The following ZIM2 variants were observed in gnomAD, a reference collection of about 807,000 sequenced individuals.
ZIM2 encodes the protein zinc finger protein 656.
A neutral mutation model predicts 38.6 loss-of-function variants in ZIM2; 14 were observed. The observed-to-expected ratio is 0.36, with a 90% CI of 0.24 to 0.57. The LOEUF (loss-of-function observed/expected upper bound fraction) is 0.57. Ranked by LOEUF, ZIM2 falls within the 20% of genes least tolerant of loss-of-function variation. The pLI is 0.81. For synonymous variants in ZIM2, 247 were observed against 245.8 expected (o/e 1.00, Z -0.04); for missense variants, 680 against 695.1 (o/e 0.98, Z 0.24).
chr19:56,792,530 CAAA>C (rs1215431208), intron 9 of ZIM2, among the ~76,000 whole-genome samples: 11 of 20,950 alleles, frequency 5.3e-4, no homozygotes, highest in African/African-American at 1.0e-3. Flanking sequence ...GACTCTGTCT[CAAA>C]AAAAAAAAAA....
Position 56,821,682 on chromosome 19 carries a change from C to G in ZIM2, c.263G>C (p.Arg88Thr). 6.2e-7 allele frequency: 1 copy of G among 1,614,018 alleles called. No individual in the cohort carries two copies. The highest frequency in any genetic ancestry group is 8.5e-7 in the Non-Finnish European group (1 of 1,180,006). ...TCGGGACTCATAAGCCCTGGAGTCC[C>G]TGTCGTCCTCTCTGTCCATTTCAAA... ...TSFEMDREDDRDSRAYESRSQ... is the reference protein window; with the variant it reads ...TSFEMDREDDTDSRAYESRSQ... Residue 88 changes from arginine (R) to threonine (T), a missense_variant, in exon 7 of 13, where the codon AGG becomes ACG. By Grantham distance (71) the Arg-to-Thr change is moderately conservative. Coordinates refer to ENST00000629319, the MANE Select transcript of ZIM2 (RefSeq NM_001387356.1).
intron 10 of ZIM2, 131 bp downstream of exon 10, chr19:56,789,741 C>A: frequency 1.3e-6 from 1 of 774,130 alleles, no homozygotes; most frequent in Non-Finnish European, 1.8e-6. Flanking sequence ...AGAAAAAAGG[C>A]TCAGTAAAGT....
At chr19:56,820,609 C>T (rs1163799199) in intron 7 of ZIM2, among the ~76,000 whole-genome samples, 4 of 152,146 alleles carry the variant, frequency 2.6e-5, no homozygotes, top group African/African-American at 4.8e-5. Flanking sequence ...CCTGACCCGG[C>T]GTGCTCCTGG....
intron 9 of ZIM2, chr19:56,813,989 C>A: frequency 6.2e-7 from 1 of 1,614,118 alleles, no homozygotes; most frequent in Admixed American, 1.7e-5. Flanking sequence ...TCAATTCCCA[C>A]ACCGTCAGGC....
At chr19:56,817,919 C>G (rs754936835) in intron 8 of ZIM2, 81 bp from the exon 9 acceptor site, 6 of 1,096,938 alleles carry the variant, frequency 5.5e-6, no homozygotes, top group African/African-American at 1.5e-5. Flanking sequence ...TCATCTTTCA[C>G]TGAGCCACTA....
intron 9 of ZIM2, chr19:56,812,615 G>A (rs1206815316): frequency 5.1e-6 from 5 of 985,610 alleles, no homozygotes; most frequent in Admixed American, 6.1e-5. Flanking sequence ...GGCAGGAAGC[G>A]CACAAAGGAA....
At chr19:56,815,242 T>C (rs1263778224) in intron 9 of ZIM2, 2 of 1,614,242 alleles carry the variant, frequency 1.2e-6, no homozygotes, top group Admixed American at 1.7e-5. Flanking sequence ...CCCATCAGTA[T>C]TCTCGCCTTG....
At chr19:56,790,811 T>A (rs2046892724) in intron 9 of ZIM2, among the ~76,000 whole-genome samples, 1 of 152,202 alleles carries the variant, frequency 6.6e-6, no homozygotes, top group Non-Finnish European at 1.5e-5. Context: ...AAGGGGAGTA[T>A]ACTATACCTC....
intron 2 of ZIM2, among the ~76,000 whole-genome samples, chr19:56,827,645 A>T (rs778926262): frequency 4.6e-5 from 7 of 152,256 alleles, no homozygotes; most frequent in Non-Finnish European, 1.0e-4. Flanking sequence ...CTATGAATTT[A>T]CCTCAGAGAT....
intron 9 of ZIM2, chr19:56,817,129 G>A: frequency 6.2e-7 from 1 of 1,614,180 alleles, no homozygotes; most frequent in Non-Finnish European, 8.5e-7. Context: ...CTCGGTAAAG[G>A]AGGGGGAGCT....
intron 10 of ZIM2, among the ~76,000 whole-genome samples, chr19:56,786,300 G>T (rs1289403924): frequency 6.6e-6 from 1 of 152,128 alleles, no homozygotes; most frequent in East Asian, 1.9e-4. Flanking sequence ...TCCAGGACAT[G>T]ACTTTCAAGG....
At position 56,774,751 on chromosome 19, in the gene ZIM2, T is replaced by C; in HGVS notation, c.1614A>G (p.Ser538=). The part of the protein sequence containing the change: ...QLCGKCFGRP[S]YLTQHYQLHS... ...GGAGTTGATAATGTTGAGTGAGGTA[T>C]GAGGGTCGGCCGAAACATTTCCCAC... is the stretch of plus-strand genomic sequence containing the variant. Residue 538 remains serine (S), a synonymous_variant, in exon 13 of 13, where the codon TCA becomes TCG. Coordinates refer to ENST00000629319, the MANE Select transcript of ZIM2 (RefSeq NM_001387356.1). 1.2e-6 allele frequency: 2 copies of C among 1,614,160 alleles called. No individual in the cohort carries two copies. Among genetic ancestry groups the C allele is most frequent in the South Asian group, 1.1e-5 (1 of 91,074 alleles).
chr19:56,780,046 T>C (rs1041880968), intron 11 of ZIM2, among the ~76,000 whole-genome samples: 1 of 152,122 alleles, frequency 6.6e-6, no homozygotes, highest in African/African-American at 2.4e-5. Flanking sequence ...GTAACATCCA[T>C]GAGAAGGGGA....
chr19:56,811,177 C>G, intron 9 of ZIM2: 2 of 976,560 alleles, frequency 2.0e-6, no homozygotes, highest in Non-Finnish European at 2.4e-6. Flanking sequence ...AAAATGTGAT[C>G]ATAAACTTTT....
At chr19:56,794,609 A>G (rs894248234) in intron 9 of ZIM2, among the ~76,000 whole-genome samples, 14 of 152,284 alleles carry the variant, frequency 9.2e-5, no homozygotes, top group African/African-American at 3.4e-4. Flanking sequence ...TTTCCTTTCA[A>G]CGGCTACCAA....
intron 9 of ZIM2, chr19:56,812,898 C>A: frequency 1.0e-6 from 1 of 985,014 alleles, no homozygotes; most frequent in Non-Finnish European, 1.2e-6. Context: ...ATGTGGCAAC[C>A]AATCAATCTG....
Position 56,809,100 on chromosome 19 carries a change from A to G in ZIM2, c.490+8646T>C, listed in dbSNP as rs1447950270. ...AGGATTGGTCAAACAACCCCTAATG[A>G]CACCTACTTCATTCCCTTCCTTTAC... On this transcript the variant is annotated intron_variant, in intron 9 of 12. Transcript: ENST00000629319. Among the ~76,000 whole-genome samples, 6 of 152,252 alleles carry G rather than the reference A, an allele frequency of 3.9e-5. No individual in the cohort carries two copies. The South Asian group carries it at 1.0e-3, about 26-fold the overall frequency.
chr19:56,819,343 C>A (rs1156424136), intron 7 of ZIM2, among the ~76,000 whole-genome samples: 3 of 152,208 alleles, frequency 2.0e-5, no homozygotes, highest in Admixed American at 2.0e-4. Flanking sequence ...GCCCTGAGGG[C>A]ATTTTTATAA....
intron 2 of ZIM2, among the ~76,000 whole-genome samples, chr19:56,829,184 CTA>C (rs879675190): frequency 6.6e-6 from 1 of 152,024 alleles, no homozygotes; most frequent in Non-Finnish European, 1.5e-5. Flanking sequence ...AACTCCATCT[CTA>C]CTAAAAATAC....
Sources: gnomAD v4.1 joint callset for allele counts (sites outside exome capture counted in the v4.1 genomes callset) on GRCh38, gnomAD v4.1.1 for gene constraint, MANE v1.5 for transcripts, NCBI Gene and HGNC (gene_info 2026-07-23, HGNC 2026-07-21) for gene names.